The following SUGT1 variants were observed in gnomAD, a reference collection of about 807,000 sequenced individuals.
SUGT1 encodes the protein SGT1 assembly cochaperone of MIS12 kinetochore complex.
SUGT1 carries 15 observed loss-of-function variants against 56.1 expected under a neutral mutation model. The observed-to-expected ratio is 0.27, with a 90% CI of 0.18 to 0.41. The LOEUF (loss-of-function observed/expected upper bound fraction) is 0.41, where lower values mean the gene tolerates loss of function less well. Among genes scored for constraint, SUGT1 ranks in the 10% least tolerant of loss-of-function variants. The probability of loss-of-function intolerance (pLI) is 1.00; values close to 1 mark genes in which losing one functional copy is unlikely to be tolerated. For synonymous variants in SUGT1, 123 were observed against 128.6 expected (o/e 0.96, Z 0.30); for missense variants, 347 against 382.2 (o/e 0.91, Z 0.77).
At chr13:52,678,210 A>C (rs1241181144) in intron 11 of SUGT1, among the ~76,000 whole-genome samples, 2 of 152,176 alleles carry the variant, frequency 1.3e-5, no homozygotes, top group African/African-American at 4.8e-5. Context: ...CTACTAGTGA[A>C]AATGTACAAA....
Position 52,687,101 on chromosome 13 carries a change from C to T in SUGT1, c.901-633C>T, listed in dbSNP as rs1202396949. Reference sequence around the variant, plus strand: ...AAAAAAAAAAAAAAAAAGAAATGTCCAGATGGTTTTTTAAAATATATTAAT... The same window carrying T: ...AAAAAAAAAAAAAAAAAGAAATGTCTAGATGGTTTTTTAAAATATATTAAT... On this transcript the variant is annotated intron_variant, in intron 12 of 12. Transcript: ENST00000310528. 3 of 138,678 alleles carry T rather than the reference C, an allele frequency of 2.2e-5. No individual in the cohort carries two copies. In the East Asian group the frequency reaches 6.3e-4, roughly 29 times the overall value. The allele number at this position is 138,678 out of a possible 1,614,324, so 8.6% of individuals were successfully genotyped here. A position where few individuals can be genotyped will look rare whatever the true frequency, so the allele number is the denominator to read the frequency against.
At chr13:52,678,934 G>T (rs1193266767) in intron 11 of SUGT1, among the ~76,000 whole-genome samples, 1 of 151,714 alleles carries the variant, frequency 6.6e-6, no homozygotes, top group African/African-American at 2.4e-5. Context: ...CCTCCTACTT[G>T]GCCTCCCAAA....
intron 7 of SUGT1, 152 bp from the exon 8 acceptor site, chr13:52,663,883 G>T: frequency 2.6e-6 from 2 of 757,640 alleles, no homozygotes; most frequent in Admixed American, 3.0e-5. Flanking sequence ...CAGTTACTAT[G>T]TCTTTGAAGA....
At position 52,699,207 on chromosome 13, in the gene SUGT1, G is replaced by T. The variant is rs1468212384; in HGVS notation, c.*11372G>T. 6.6e-6 allele frequency: 1 copy of T among 152,072 alleles called. No individual in the cohort carries two copies. Among genetic ancestry groups the T allele is most frequent in the Non-Finnish European group, 1.5e-5 (1 of 68,016 alleles). 9.4% of individuals were successfully genotyped at this position (152,072 alleles called of 1,614,324 possible). On this transcript the variant is annotated 3_prime_UTR_variant, in exon 13 of 13. Transcript: ENST00000310528. ...CTTTTTTTCTTCTTAATCTTGGGGG[G>T]TCATTATGATTAAGTTATTGAATCC...
Position 52,659,810 on chromosome 13 carries a change from A to T in SUGT1, c.328+561A>T, listed in dbSNP as rs1453252751. On this transcript the variant is annotated intron_variant, in intron 5 of 12. Coordinates refer to ENST00000310528, the MANE Select transcript of SUGT1 (RefSeq NM_006704.5). ...CAAGAATATATATATATATATATATATATATTTTTTTTTTTTTTTTTTTTT... is the reference window on the plus strand; with the variant it reads ...CAAGAATATATATATATATATATATTTATATTTTTTTTTTTTTTTTTTTTT... Among the ~76,000 whole-genome samples, 4 of 21,580 alleles carry T rather than the reference A, an allele frequency of 1.9e-4. 1 individual carries two copies. In the Admixed American group the frequency reaches 2.4e-3, roughly 13 times the overall value. The allele number at this position is 21,580 out of a possible 152,430, so 14.2% of individuals were successfully genotyped here.
Position 52,696,081 on chromosome 13 carries a change from C to T in SUGT1, c.*8246C>T, listed in dbSNP as rs1963920729. 1 of 152,232 alleles carries T rather than the reference C, an allele frequency of 6.6e-6. No homozygotes were observed. Among genetic ancestry groups the T allele is most frequent in the South Asian group, 2.1e-4 (1 of 4,818 alleles). The allele number at this position is 152,232 out of a possible 1,614,324, so 9.4% of individuals were successfully genotyped here. ...GCTAATCTATTCCTTGTTTGTCAGACCAGTACATTACAGTTGGTTCATTTC... is the reference window on the plus strand; with the variant it reads ...GCTAATCTATTCCTTGTTTGTCAGATCAGTACATTACAGTTGGTTCATTTC... On this transcript the variant is annotated 3_prime_UTR_variant, in exon 13 of 13. Transcript: ENST00000310528.
chr13:52,682,597 G>A (rs1438508946), intron 12 of SUGT1, among the ~76,000 whole-genome samples: 1 of 152,162 alleles, frequency 6.6e-6, no homozygotes, highest in African/African-American at 2.4e-5. Flanking sequence ...TAGTATGTTC[G>A]GGTGTTCTGG....
chr13:52,667,603 T>C (rs1473899352), intron 10 of SUGT1, among the ~76,000 whole-genome samples: 1 of 152,112 alleles, frequency 6.6e-6, no homozygotes, highest in Non-Finnish European at 1.5e-5. Context: ...AATTTTAGAT[T>C]ACTCTATTAT....
chr13:52,662,753 C>A, intron 6 of SUGT1, 51 bp downstream of exon 6: 1 of 1,572,688 alleles, frequency 6.4e-7, no homozygotes, highest in Non-Finnish European at 8.6e-7. Flanking sequence ...AAGTAAACAT[C>A]TGAAATTTTT....
Position 52,690,325 on chromosome 13 carries a change from C to T in SUGT1, c.*2490C>T, listed in dbSNP as rs1172362853. The T allele has an allele frequency of 2.0e-5, 3 of 152,168 alleles. No homozygotes were observed. Among genetic ancestry groups the T allele is most frequent in the African/African-American group, 7.2e-5 (3 of 41,436 alleles). 9.4% of individuals were successfully genotyped at this position (152,168 alleles called of 1,614,324 possible). ...TGATTAAGAGCCTCTTAACTCTATC[C>T]TTATCCTCTGCTATCTCAATGTAGC... is the stretch of plus-strand genomic sequence containing the variant. On this transcript the variant is annotated 3_prime_UTR_variant, in exon 13 of 13. Coordinates refer to ENST00000310528, the MANE Select transcript of SUGT1 (RefSeq NM_006704.5).
chr13:52,655,115 G>A (rs1416473472), intron 2 of SUGT1, among the ~76,000 whole-genome samples: 2 of 152,312 alleles, frequency 1.3e-5, no homozygotes, highest in East Asian at 1.9e-4. Flanking sequence ...GGAGGCCGAG[G>A]CAGGCGGATC....
Position 52,687,946 on chromosome 13 carries a change from T to C in SUGT1, c.*111T>C, listed in dbSNP as rs1159572610. 1.7e-6 allele frequency: 1 copy of C among 596,890 alleles called. No individual in the cohort carries two copies. Among genetic ancestry groups the C allele is most frequent in the Non-Finnish European group, 2.7e-6 (1 of 371,876 alleles). The allele number at this position is 596,890 out of a possible 1,614,324, so 37.0% of individuals were successfully genotyped here. On this transcript the variant is annotated 3_prime_UTR_variant, in exon 13 of 13. Transcript: ENST00000310528. ...GAATATCTTTTTGAAAGATTATACTTCTTTACCTCTTTGTGCTTTAGAAAT... is the reference window on the plus strand; with the variant it reads ...GAATATCTTTTTGAAAGATTATACTCCTTTACCTCTTTGTGCTTTAGAAAT...
intron 12 of SUGT1, chr13:52,687,016 A>T (rs1963616164): frequency 8.3e-6 from 1 of 121,056 alleles, no homozygotes; most frequent in Admixed American, 1.2e-4. Flanking sequence ...GGTTGCGGTG[A>T]GCCCAGATCG....
chr13:52,662,584 G>A, intron 5 of SUGT1, 65 bp from the exon 6 acceptor site: 2 of 1,544,544 alleles, frequency 1.3e-6, no homozygotes, highest in Non-Finnish European at 1.8e-6. Flanking sequence ...TAGGTATTCA[G>A]TAAGTATTTG....
intron 5 of SUGT1, 103 bp from the exon 6 acceptor site, chr13:52,662,546 A>AG: frequency 2.6e-6 from 3 of 1,148,060 alleles, no homozygotes; most frequent in South Asian, 3.0e-5. Flanking sequence ...CCGACTCCCC[A>AG]GTGCCTAGAA....
At chr13:52,661,093 T>C (rs1167581643) in intron 5 of SUGT1, among the ~76,000 whole-genome samples, 1 of 152,198 alleles carries the variant, frequency 6.6e-6, no homozygotes, top group African/African-American at 2.4e-5. Flanking sequence ...GTTACAGGCA[T>C]GAGCCACTGC....
At chr13:52,685,552 G>A (rs1963551047) in intron 12 of SUGT1, among the ~76,000 whole-genome samples, 1 of 152,118 alleles carries the variant, frequency 6.6e-6, no homozygotes, top group South Asian at 2.1e-4. Flanking sequence ...TTAGCAGTAT[G>A]TCAGATCAAA....
chr13:52,662,551 C>T (rs1219612851), intron 5 of SUGT1, 98 bp from the exon 6 acceptor site: 9 of 1,274,532 alleles, frequency 7.1e-6, no homozygotes, highest in African/African-American at 5.9e-5. Flanking sequence ...TCCCCAGTGC[C>T]TAGAACACTG....
chr13:52,686,827 T>C (rs537823070), intron 12 of SUGT1, among the ~76,000 whole-genome samples: 26 of 152,056 alleles, frequency 1.7e-4, no homozygotes, highest in Non-Finnish European at 3.5e-4. Context: ...TCCCAGCACT[T>C]TGGGAGGCCA....
Sources: allele counts gnomAD v4.1 joint callset (sites outside exome capture counted in the v4.1 genomes callset), GRCh38; gene constraint gnomAD v4.1.1; transcripts MANE v1.5; gene names NCBI Gene and HGNC (gene_info 2026-07-23, HGNC 2026-07-21).